ADAMTS12: variants seen among roughly 807,000 people sequenced by gnomAD.
ADAMTS12 encodes the protein ADAM metallopeptidase with thrombospondin type 1 motif 12.
A neutral mutation model predicts 167.8 loss-of-function variants in ADAMTS12; 118 were observed. That is an observed-to-expected ratio of 0.70 (90% CI 0.61 to 0.82). The LOEUF is 0.82. Among genes scored for constraint, ADAMTS12 ranks in the 40% least tolerant of loss-of-function variants. The probability of loss-of-function intolerance (pLI) is 0.00; values close to 1 mark genes in which losing one functional copy is unlikely to be tolerated. For missense variants in ADAMTS12, 1,916 were observed against 1,998.8 expected, an observed-to-expected ratio of 0.96 and a Z score of 0.79; for synonymous variants, 704 against 716.9, an observed-to-expected ratio of 0.98 and a Z score of 0.29.
chr5:33,659,639 G>C (rs1388569856), intron 6 of ADAMTS12, among the ~76,000 whole-genome samples: 1 of 152,150 alleles, frequency 6.6e-6, no homozygotes, highest in Non-Finnish European at 1.5e-5. Context: ...GTTCTTACAG[G>C]CCAGCAGCTT....
intron 2 of ADAMTS12, among the ~76,000 whole-genome samples, chr5:33,850,541 T>C (rs16891832): frequency 0.1 from 15,290 of 152,148 alleles, 1,413 homozygotes; most frequent in African/African-American, 0.24. Flanking sequence ...CTCGACACCA[T>C]AGGCCTCTCT....
intron 6 of ADAMTS12, 132 bp from the exon 7 acceptor site, chr5:33,658,465 C>T (rs1741140531): frequency 6.8e-6 from 7 of 1,034,286 alleles, no homozygotes; most frequent in Non-Finnish European, 9.6e-6. Flanking sequence ...AAAAAGTCTA[C>T]ATGAATGTAG....
At chr5:33,865,465 C>G (rs182770154) in intron 2 of ADAMTS12, among the ~76,000 whole-genome samples, 1 of 151,980 alleles carries the variant, frequency 6.6e-6, no homozygotes, top group Non-Finnish European at 1.5e-5. Flanking sequence ...AATGGACATA[C>G]CTCAAAATAA....
At chr5:33,817,640 A>T (rs1375114076) in intron 2 of ADAMTS12, among the ~76,000 whole-genome samples, 1 of 152,146 alleles carries the variant, frequency 6.6e-6, no homozygotes, top group African/African-American at 2.4e-5. Context: ...ATTTTGTGGC[A>T]AATTCCAGAC....
At chr5:33,555,341 C>T (rs912634567) in intron 20 of ADAMTS12, among the ~76,000 whole-genome samples, 1 of 152,136 alleles carries the variant, frequency 6.6e-6, no homozygotes, top group Non-Finnish European at 1.5e-5. Context: ...GCCTCTTGGG[C>T]TCAAGTGATC....
At chr5:33,670,955 C>T (rs1391839878) in intron 5 of ADAMTS12, among the ~76,000 whole-genome samples, 1 of 152,074 alleles carries the variant, frequency 6.6e-6, no homozygotes, top group Non-Finnish European at 1.5e-5. Context: ...CAAATAGGTA[C>T]ATATCATAGA....
intron 14 of ADAMTS12, among the ~76,000 whole-genome samples, chr5:33,623,568 G>A (rs1739433404): frequency 6.6e-6 from 1 of 152,196 alleles, no homozygotes; most frequent in African/African-American, 2.4e-5. Context: ...GCTGCACAGA[G>A]AAGAAACTCT....
In ADAMTS12 at chr5:33,637,644, C is replaced by T; in HGVS notation, c.1821G>A (p.Gln607=). 1.2e-6 allele frequency: 2 copies of T among 1,613,798 alleles called. No homozygotes were observed. Among genetic ancestry groups the T allele is most frequent in the Non-Finnish European group, 1.7e-6 (2 of 1,179,740 alleles). The change falls in exon 12 of 24, where the codon CAG becomes CAA. Residue 607 remains glutamine (Q), a synonymous_variant. Transcript: ENST00000504830. ...RSEAPTFRQM[Q]CSEFDTVPYK... ...AGGGAACAGTGTCAAATTCACTGCACTGCATCTGCCGAAATGTTGGTGCCT... is the reference window on the plus strand; with the variant it reads ...AGGGAACAGTGTCAAATTCACTGCATTGCATCTGCCGAAATGTTGGTGCCT...
intron 3 of ADAMTS12, among the ~76,000 whole-genome samples, chr5:33,726,921 G>C (rs546548117): frequency 3.3e-5 from 5 of 150,950 alleles, no homozygotes; most frequent in African/African-American, 1.2e-4. Flanking sequence ...CCAGGAATCC[G>C]CCTGGGCAGA....
chr5:33,555,114 A>G (rs749766962), intron 20 of ADAMTS12, among the ~76,000 whole-genome samples: 1 of 152,256 alleles, frequency 6.6e-6, no homozygotes, highest in Non-Finnish European at 1.5e-5. Context: ...AGAAACAGAC[A>G]AAATATCAGT....
At chr5:33,764,820 A>C (rs193160282) in intron 2 of ADAMTS12, among the ~76,000 whole-genome samples, 3 of 151,846 alleles carry the variant, frequency 2.0e-5, no homozygotes, top group Admixed American at 2.0e-4. Flanking sequence ...TTTTTTTCTT[A>C]AACAAGGCCC....
intron 2 of ADAMTS12, among the ~76,000 whole-genome samples, chr5:33,875,787 T>C (rs2111753443): frequency 6.6e-6 from 1 of 152,256 alleles, no homozygotes; most frequent in East Asian, 1.9e-4. Context: ...TTATTCAATA[T>C]AGTGCTCAAA....
At chr5:33,889,915 G>A (rs1036388415) in intron 1 of ADAMTS12, among the ~76,000 whole-genome samples, 13 of 152,210 alleles carry the variant, frequency 8.5e-5, no homozygotes, top group Middle Eastern at 3.4e-3. Context: ...TTGCACCACC[G>A]CACTCCAGCC....
intron 23 of ADAMTS12, among the ~76,000 whole-genome samples, chr5:33,530,738 G>A (rs775335707): frequency 4.6e-5 from 7 of 152,142 alleles, no homozygotes; most frequent in Non-Finnish European, 7.3e-5. Flanking sequence ...ACTCGGGCAC[G>A]GCACCATACT....
At chr5:33,536,876 T>TCA (rs1207900366) in intron 22 of ADAMTS12, among the ~76,000 whole-genome samples, 1 of 152,256 alleles carries the variant, frequency 6.6e-6, no homozygotes, top group Non-Finnish European at 1.5e-5. Flanking sequence ...TCACATTGTA[T>TCA]CACATTTTCT....
Position 33,881,471 on chromosome 5 carries a change from A to C in ADAMTS12, c.137T>G (p.Ile46Ser), listed in dbSNP as rs772734343. 51 of 1,611,432 alleles carry C rather than the reference A, an allele frequency of 3.2e-5. No individual in the cohort carries two copies. Among genetic ancestry groups the C allele is most frequent in the Non-Finnish European group, 4.2e-5 (49 of 1,179,350 alleles). The stretch of plus-strand genomic sequence containing the variant: ...CACGTGGTATTCTGGCAGGCCCTTG[A>C]TAAAATGCTCTGAAAGAAAAGGAGA... ...RFPDRRQEHF[I>S]KGLPEYHVVG... The change falls in exon 2 of 24, where the codon ATC (isoleucine) becomes AGC (serine). Residue 46 changes from isoleucine to serine, a missense_variant. By Grantham distance (142) the Ile-to-Ser change is moderately radical. Transcript: ENST00000504830.
At chr5:33,768,575 G>C (rs1745629075) in intron 2 of ADAMTS12, among the ~76,000 whole-genome samples, 1 of 152,096 alleles carries the variant, frequency 6.6e-6, no homozygotes, top group African/African-American at 2.4e-5. Context: ...TGATTGTACA[G>C]AATATATTCA....
Position 33,891,982 on chromosome 5 carries a change from T to TA in ADAMTS12, c.-127_-126insT, listed in dbSNP as rs1750878508. The TA allele has an allele frequency of 8.3e-7, 1 of 1,206,624 alleles. No individual in the cohort carries two copies. The highest frequency in any genetic ancestry group is 1.5e-5 in the African/African-American group (1 of 65,012). 74.7% of individuals were successfully genotyped at this position (1,206,624 alleles called of 1,614,324 possible). On this transcript the variant is annotated 5_prime_UTR_variant, in exon 1 of 24. Transcript: ENST00000504830. ...TGGTCAGGCGCGAGAAGGCAGCGACTGCAAAGCTGCCCGCGATCTCCCTGT... is the reference window on the plus strand; with the variant it reads ...TGGTCAGGCGCGAGAAGGCAGCGACTAGCAAAGCTGCCCGCGATCTCCCTGT...
intron 9 of ADAMTS12, among the ~76,000 whole-genome samples, chr5:33,648,098 A>C (rs1348769862): frequency 1.3e-5 from 2 of 152,234 alleles, no homozygotes; most frequent in Admixed American, 1.3e-4. Flanking sequence ...ATACTTTTGC[A>C]TTATAAGGGA....
Sources: allele counts gnomAD v4.1 joint callset (sites outside exome capture counted in the v4.1 genomes callset), GRCh38; gene constraint gnomAD v4.1.1; transcripts MANE v1.5; gene names NCBI Gene and HGNC (gene_info 2026-07-23, HGNC 2026-07-21).